The following POFUT3 variants were observed in gnomAD, a reference collection of about 807,000 sequenced individuals.
POFUT3 encodes the protein protein O-fucosyltransferase 3, also known as GDP-fucose protein O-fucosyltransferase 3.
chr8:33,346,827 A>T, the POFUT3 span, among the ~76,000 whole-genome samples: 1 of 152,210 alleles, frequency 6.6e-6, no homozygotes, highest in Admixed American at 6.5e-5. Flanking sequence ...ATGAACAAAC[A>T]TAATATAAAT....
the POFUT3 span, among the ~76,000 whole-genome samples, chr8:33,321,141 A>G: frequency 6.6e-6 from 1 of 152,112 alleles, no homozygotes; most frequent in African/African-American, 2.4e-5. Flanking sequence ...GAATCTCATC[A>G]TCTAAACCAG....
At chr8:33,458,520 C>T in the POFUT3 span, among the ~76,000 whole-genome samples, 106 of 151,536 alleles carry the variant, frequency 7.0e-4, no homozygotes, top group Non-Finnish European at 1.3e-3. Flanking sequence ...TTCGAGACCA[C>T]CCTGGCCAAC....
chr8:33,435,806 A>G, the POFUT3 span, among the ~76,000 whole-genome samples: 22 of 152,044 alleles, frequency 1.4e-4, no homozygotes, highest in African/African-American at 5.3e-4. Flanking sequence ...CTGAGCCACC[A>G]TACTCGGCCT....
the POFUT3 span, among the ~76,000 whole-genome samples, chr8:33,470,275 G>A: frequency 6.8e-6 from 1 of 147,342 alleles, no homozygotes; most frequent in Non-Finnish European, 1.5e-5. Context: ...AGTTAGCTGG[G>A]CATGCTGGTG....
the POFUT3 span, among the ~76,000 whole-genome samples, chr8:33,436,909 C>A: frequency 7.2e-5 from 11 of 152,066 alleles, no homozygotes; most frequent in South Asian, 6.2e-4. Context: ...CTTTTCCCCC[C>A]TCCCTCCTTC....
chr8:33,466,002 G>A, the POFUT3 span, among the ~76,000 whole-genome samples: 4 of 152,150 alleles, frequency 2.6e-5, no homozygotes, highest in African/African-American at 9.7e-5. Flanking sequence ...TGGGACCTTC[G>A]CATAGCTTTA....
chr8:33,388,603 C>T, the POFUT3 span, among the ~76,000 whole-genome samples: 1 of 152,138 alleles, frequency 6.6e-6, no homozygotes, highest in East Asian at 1.9e-4. Context: ...TCCCAAAGTG[C>T]TCCAATTACA....
At chr8:33,467,463 G>C in the POFUT3 span, among the ~76,000 whole-genome samples, 1 of 151,968 alleles carries the variant, frequency 6.6e-6, no homozygotes, top group Non-Finnish European at 1.5e-5. Context: ...CCTGCAAGAG[G>C]GTGCCCTAGA....
chr8:33,471,900 T>C, the POFUT3 span, among the ~76,000 whole-genome samples: 1 of 152,198 alleles, frequency 6.6e-6, no homozygotes, highest in African/African-American at 2.4e-5. Context: ...CAATCGCCTC[T>C]GGCTTCTCCT....
the POFUT3 span, among the ~76,000 whole-genome samples, chr8:33,456,914 A>T: frequency 3.3e-5 from 5 of 151,402 alleles, no homozygotes; most frequent in African/African-American, 4.9e-5. Context: ...GACTACAGGC[A>T]TGCACCACCA....
the POFUT3 span, among the ~76,000 whole-genome samples, chr8:33,332,182 GAAA>G: frequency 1.0e-5 from 1 of 99,942 alleles, no homozygotes. Flanking sequence ...GGAGGAGGAG[GAAA>G]AAAAAAAAAA....
chr8:33,352,309 C>T, the POFUT3 span, among the ~76,000 whole-genome samples: 1 of 152,186 alleles, frequency 6.6e-6, no homozygotes, highest in Admixed American at 6.5e-5. Context: ...GTGCACCACT[C>T]AGCCGGAGAA....
chr8:33,451,594 G>A, the POFUT3 span: 1 of 150,762 alleles, frequency 6.6e-6, no homozygotes, highest in Non-Finnish European at 1.5e-5. Context: ...ATATGTGTAT[G>A]TGTGTGTGCA....
the POFUT3 span, among the ~76,000 whole-genome samples, chr8:33,463,436 C>A: frequency 6.6e-6 from 1 of 151,398 alleles, no homozygotes; most frequent in African/African-American, 2.4e-5. Context: ...ACCTGGGAGG[C>A]AGAGGTTGCA....
chr8:33,402,741 A>G, the POFUT3 span, among the ~76,000 whole-genome samples: 1 of 152,216 alleles, frequency 6.6e-6, no homozygotes, highest in African/African-American at 2.4e-5. Context: ...AAGGACATAA[A>G]TATTTTCCAA....
chr8:33,312,479 TC>T, the POFUT3 span, among the ~76,000 whole-genome samples: 4 of 151,808 alleles, frequency 2.6e-5, no homozygotes, highest in African/African-American at 9.7e-5. Flanking sequence ...ACCTTCCACA[TC>T]CCCCCTCTCC....
At chr8:33,355,483 C>A in the POFUT3 span, among the ~76,000 whole-genome samples, 1 of 152,082 alleles carries the variant, frequency 6.6e-6, no homozygotes. Flanking sequence ...TAATGTTTTA[C>A]CAGCTACCTA....
chr8:33,332,488 GAAA>G, the POFUT3 span, among the ~76,000 whole-genome samples: 41 of 61,312 alleles, frequency 6.7e-4, no homozygotes, highest in Admixed American at 4.4e-3. Flanking sequence ...CTGTCTGAAA[GAAA>G]AAAAAAAAAA....
chr8:33,389,331 T>C, the POFUT3 span: 2 of 1,614,182 alleles, frequency 1.2e-6, no homozygotes, highest in Non-Finnish European at 8.5e-7. Context: ...CAAACTGCAT[T>C]CTCAAAAGCT....
Sources: gnomAD v4.1 joint callset for allele counts (sites outside exome capture counted in the v4.1 genomes callset) on GRCh38, gnomAD v4.1.1 for gene constraint, MANE v1.5 for transcripts, NCBI Gene and HGNC (gene_info 2026-07-23, HGNC 2026-07-21) for gene names.